PIKFYVE: variants seen among roughly 807,000 people sequenced by gnomAD.
The protein encoded by PIKFYVE is 1-phosphatidylinositol 3-phosphate 5-kinase.
A neutral mutation model predicts 257.9 loss-of-function variants in PIKFYVE; 122 were observed. That is an observed-to-expected ratio of 0.47 (90% CI 0.41 to 0.55). The LOEUF (loss-of-function observed/expected upper bound fraction) is 0.55, where lower values mean the gene tolerates loss of function less well. Among genes scored for constraint, PIKFYVE ranks in the 20% least tolerant of loss-of-function variants. The probability of loss-of-function intolerance (pLI) is 0.00; values close to 1 mark genes in which losing one functional copy is unlikely to be tolerated. For missense variants in PIKFYVE, 2,160 were observed against 2,536.6 expected, an observed-to-expected ratio of 0.85 and a Z score of 3.19; for synonymous variants, 892 against 868.9, an observed-to-expected ratio of 1.03 and a Z score of -0.47.
chr2:208,316,182 A>G (rs1286899706), intron 15 of PIKFYVE, among the ~76,000 whole-genome samples: 5 of 152,024 alleles, frequency 3.3e-5, no homozygotes, highest in Non-Finnish European at 5.9e-5. Flanking sequence ...AATTTCATCC[A>G]CGTCCCTACA....
intron 1 of PIKFYVE, chr2:208,269,311 T>C (rs7605498): frequency 0.96 from 146,822 of 152,934 alleles, 70,627 homozygotes; most frequent in East Asian, 1. Flanking sequence ...AGGGGGCCCA[T>C]TGTCTGGGCC....
At chr2:208,323,357 G>A (rs892580654) in intron 17 of PIKFYVE, among the ~76,000 whole-genome samples, 1 of 141,740 alleles carries the variant, frequency 7.1e-6, no homozygotes, top group African/African-American at 2.6e-5. Context: ...GAGAACATGT[G>A]GTGTTTGGTT....
chr2:208,357,882 CTA>C lies in PIKFYVE; in HGVS notation c.*2579_*2580del, dbSNP rs1205528616. ...AATAATTGATAGTAGCAAGAGAAAA[CTA>C]TGTCAGTAACATGTTGCTTTGTATA... On this transcript the variant is annotated 3_prime_UTR_variant, in exon 42 of 42. Coordinates refer to ENST00000264380, the MANE Select transcript of PIKFYVE (RefSeq NM_015040.4). The C allele has an allele frequency of 1.3e-5, 2 of 152,098 alleles. No homozygotes were observed. Among genetic ancestry groups the C allele is most frequent in the South Asian group, 2.1e-4 (1 of 4,832 alleles). The allele number at this position is 152,098 out of a possible 1,614,324, so 9.4% of individuals were successfully genotyped here. A position where few individuals can be genotyped will look rare whatever the true frequency, so the allele number is the denominator to read the frequency against.
chr2:208,292,807 T>G (rs1237577511), intron 7 of PIKFYVE, among the ~76,000 whole-genome samples: 1 of 152,126 alleles, frequency 6.6e-6, no homozygotes, highest in East Asian at 1.9e-4. Context: ...TGTCTTTGTA[T>G]TTAAATTAGG....
Position 208,288,811 on chromosome 2 carries a change from C to G in PIKFYVE, c.904C>G (p.Arg302Gly), listed in dbSNP as rs1195336213. The G allele has an allele frequency of 1.2e-6, 2 of 1,613,812 alleles. No individual in the cohort carries two copies. The highest frequency in any genetic ancestry group is 2.2e-5 in the East Asian group (1 of 44,850). The change falls in exon 7 of 42, where the codon CGA (arginine) becomes GGA (glycine). Residue 302 changes from arginine (R) to glycine (G), a missense_variant. Around this residue, in one of 12 missense-constraint regions of PIKFYVE, gnomAD observed 187 missense variants for 185.6 expected, o/e 1.01. Transcript: ENST00000264380. The stretch of plus-strand genomic sequence containing the variant: ...AGAGGATGCTGGGAAATCTCCTGCT[C>G]GAAATAGGTAAACTGACAAATGAAA... Reference protein sequence around the residue: ...VQEDAGKSPARNRSASITNLS... With the variant: ...VQEDAGKSPAGNRSASITNLS...
At chr2:208,316,568 T>C (rs1695546583) in intron 15 of PIKFYVE, among the ~76,000 whole-genome samples, 1 of 152,096 alleles carries the variant, frequency 6.6e-6, no homozygotes, top group Non-Finnish European at 1.5e-5. Context: ...TGATTGCCAT[T>C]CTAACTGGTG....
chr2:208,337,459 T>C lies in PIKFYVE; in HGVS notation c.4611+531T>C, dbSNP rs1698253556. 2.0e-5 allele frequency among the ~76,000 whole-genome samples: 3 copies of C among 151,906 alleles called. No homozygotes were observed. The South Asian group carries it at 6.2e-4, about 31-fold the overall frequency. ...AGATATTTATAGACAGATACATCTA[T>C]ATAGATATATATAGATATAATACTT... On this transcript the variant is annotated intron_variant, in intron 28 of 41. Coordinates refer to ENST00000264380, the MANE Select transcript of PIKFYVE (RefSeq NM_015040.4).
At position 208,330,811 on chromosome 2, in the gene PIKFYVE, C is replaced by A; in HGVS notation, c.3963+117C>A. 2.9e-6 allele frequency: 3 copies of A among 1,035,484 alleles called. No individual in the cohort carries two copies. In the Middle Eastern group the frequency reaches 9.6e-4, roughly 332 times the overall value. 64.1% of individuals were successfully genotyped at this position (1,035,484 alleles called of 1,614,324 possible). ...TGGATTCGTTATTTGTTATAGAGCT[C>A]TATTTGTCATTGTTATTTTACCTTC... On this transcript the variant is annotated intron_variant, in intron 23 of 41. Transcript: ENST00000264380.
chr2:208,352,377 A>G (rs893116716), intron 38 of PIKFYVE, among the ~76,000 whole-genome samples: 1 of 151,878 alleles, frequency 6.6e-6, no homozygotes, highest in East Asian at 1.9e-4. Context: ...ATCATGGTTT[A>G]TTACGTAGTA....
At chr2:208,287,377 G>A (rs1281919747) in intron 6 of PIKFYVE, among the ~76,000 whole-genome samples, 1 of 151,254 alleles carries the variant, frequency 6.6e-6, no homozygotes, top group Middle Eastern at 3.4e-3. Context: ...GGGTTCAAGC[G>A]ATTCTCCTGC....
At chr2:208,320,176 A>T (rs1696047979) in intron 16 of PIKFYVE, 76 bp from the exon 17 acceptor site, 3 of 1,538,832 alleles carry the variant, frequency 1.9e-6, no homozygotes, top group Non-Finnish European at 1.8e-6. Context: ...AACAATATAG[A>T]TTTAAAGTTA....
At chr2:208,311,032 G>C (rs750737068) in intron 12 of PIKFYVE, among the ~76,000 whole-genome samples, 1 of 152,052 alleles carries the variant, frequency 6.6e-6, no homozygotes, top group Non-Finnish European at 1.5e-5. Context: ...TTGAATGATC[G>C]GGGGGAAGAA....
chr2:208,345,263 A>G, intron 33 of PIKFYVE, 69 bp downstream of exon 33: 18 of 1,301,030 alleles, frequency 1.4e-5, no homozygotes, highest in Non-Finnish European at 1.9e-5. Context: ...CTTGTACTTC[A>G]GTTTTATTAC....
At chr2:208,276,635 T>G in intron 3 of PIKFYVE, 77 bp from the exon 4 acceptor site, 1 of 1,021,522 alleles carries the variant, frequency 9.8e-7, no homozygotes. Context: ...AGAGGCAGTT[T>G]CCATCACATA....
Position 208,271,575 on chromosome 2 carries a change from G to C in PIKFYVE, c.56G>C (p.Arg19Pro), listed in dbSNP as rs369920151. 7.4e-6 allele frequency: 12 copies of C among 1,614,046 alleles called. 1 individual carries two copies. The highest frequency in any genetic ancestry group is 2.2e-5 in the East Asian group (1 of 44,872). Residue 19 changes from arginine to proline, a missense_variant, in exon 2 of 42, where the codon CGA becomes CCA. Coordinates refer to ENST00000264380, the MANE Select transcript of PIKFYVE (RefSeq NM_015040.4). ...PTLDSANDLP[R>P]SPTSPSHLTH... ...CTGGACTCTGCTAATGATTTGCCTC[G>C]ATCTCCTACTAGTCCTTCTCATCTC...
chr2:208,351,226 T>A (rs1699745277), intron 37 of PIKFYVE, 126 bp from the exon 38 acceptor site: 1 of 921,652 alleles, frequency 1.1e-6, no homozygotes, highest in African/African-American at 1.6e-5. Flanking sequence ...AAATTTTCAC[T>A]GTGACATTAG....
chr2:208,314,210 A>T, intron 13 of PIKFYVE, 84 bp from the exon 14 acceptor site: 1 of 1,478,326 alleles, frequency 6.8e-7, no homozygotes, highest in Non-Finnish European at 9.3e-7. Flanking sequence ...ATTTATAAAG[A>T]CAAAGGGCAA....
At position 208,347,920 on chromosome 2, in the gene PIKFYVE, C is replaced by G; in HGVS notation, c.5271C>G (p.Leu1757=). The G allele has an allele frequency of 6.2e-7, 1 of 1,614,066 alleles. No individual in the cohort carries two copies. The highest frequency in any genetic ancestry group is 8.5e-7 in the Non-Finnish European group (1 of 1,179,938). ...FRGTAGKSPD[L]SSQKRETLRG... is the part of the protein sequence containing the mutation. ...GGACAGCAGGGAAAAGCCCCGATCT[C>G]TCTTCCCAGAAGAGAGAGACCTTAC... is the stretch of plus-strand genomic sequence containing the variant. Residue 1757 remains leucine (L), a synonymous_variant, in exon 35 of 42, where the codon CTC becomes CTG. Transcript: ENST00000264380.
At chr2:208,351,202 T>C in intron 37 of PIKFYVE, 150 bp from the exon 38 acceptor site, 1 of 850,614 alleles carries the variant, frequency 1.2e-6, no homozygotes. Flanking sequence ...TAATTGAGAA[T>C]TGTGTTCTGA....
Sources: gnomAD v4.1 joint callset for allele counts (sites outside exome capture counted in the v4.1 genomes callset) on GRCh38, gnomAD v4.1.1 for gene constraint, gnomAD v4.1.1 regional missense constraint, MANE v1.5 for transcripts, NCBI Gene and HGNC (gene_info 2026-07-23, HGNC 2026-07-21) for gene names.